The following ME2 variants were observed in gnomAD, a reference collection of about 807,000 sequenced individuals.
ME2 encodes the protein NAD-dependent malic enzyme, mitochondrial.
Under a neutral mutation model 73.7 loss-of-function variants are expected in ME2, and 60 were observed. The ratio of observed to expected loss-of-function variants is 0.81; its 90% CI spans 0.66 to 1.01. The LOEUF (loss-of-function observed/expected upper bound fraction) is 1.01, where lower values mean the gene tolerates loss of function less well. Ranked by LOEUF, ME2 falls within the 50% of genes least tolerant of loss-of-function variation. The pLI, the probability that ME2 is intolerant of heterozygous loss-of-function variation, is 0.00. For synonymous variants in ME2, 199 were observed against 236.9 expected, an observed-to-expected ratio of 0.84 and a Z score of 1.47; for missense variants, 594 against 705.5, an observed-to-expected ratio of 0.84 and a Z score of 1.79.
chr18:50,907,353 G>A (rs1917042212), intron 2 of ME2, among the ~76,000 whole-genome samples: 1 of 152,260 alleles, frequency 6.6e-6, no homozygotes, highest in African/African-American at 2.4e-5. Flanking sequence ...CATTTTTCCT[G>A]AATAACTGCT....
intron 12 of ME2, among the ~76,000 whole-genome samples, chr18:50,928,120 A>C (rs923832138): frequency 6.8e-6 from 1 of 147,484 alleles, no homozygotes; most frequent in African/African-American, 2.5e-5. Context: ...GCCCCACCTA[A>C]TTTCTTGAAT....
chr18:50,946,003 G>T (rs549549544), intron 15 of ME2, among the ~76,000 whole-genome samples: 14 of 152,250 alleles, frequency 9.2e-5, no homozygotes, highest in African/African-American at 3.4e-4. Flanking sequence ...GGAGATGGAG[G>T]TTGCAGTGAG....
chr18:50,936,886 G>A (rs1205195367), intron 13 of ME2, among the ~76,000 whole-genome samples: 3 of 152,078 alleles, frequency 2.0e-5, no homozygotes, highest in East Asian at 3.8e-4. Flanking sequence ...AGCTTTGGTC[G>A]TGCCACAGCA....
At chr18:50,946,935 A>C in intron 15 of ME2, 82 bp from the exon 16 acceptor site, 1 of 990,400 alleles carries the variant, frequency 1.0e-6, no homozygotes, top group Non-Finnish European at 1.5e-6. Context: ...TTCTAAACTT[A>C]TTTTCCTGTG....
At chr18:50,933,510 A>G (rs947767245) in intron 13 of ME2, 1 of 152,090 alleles carries the variant, frequency 6.6e-6, no homozygotes, top group Non-Finnish European at 1.5e-5. Flanking sequence ...CCTAACTTCT[A>G]TAATAGAAAC....
chr18:50,883,649 G>A (rs1334620012), intron 1 of ME2, among the ~76,000 whole-genome samples: 2 of 152,186 alleles, frequency 1.3e-5, no homozygotes, highest in African/African-American at 4.8e-5. Flanking sequence ...GATCACCTGA[G>A]ATCAGGAGTT....
chr18:50,916,248 T>C lies in ME2; in HGVS notation c.468+5T>C. ...TGGCCAGAAAATCATGTTAAGGTAC[T>C]AATAGCACAACCCTCCTTTTCACAA... On this transcript the variant is annotated splice_donor_5th_base_variant and intron_variant, in intron 5 of 15. Coordinates refer to ENST00000321341, the MANE Select transcript of ME2 (RefSeq NM_002396.5). The C allele has an allele frequency of 6.3e-7, 1 of 1,599,168 alleles. No homozygotes were observed. Among genetic ancestry groups the C allele is most frequent in the Non-Finnish European group, 8.6e-7 (1 of 1,167,614 alleles).
rs919881142 is a variant in ME2 at position 50,953,792 on chromosome 18, T to C, written c.*6608T>C. 3 of 152,226 alleles carry C rather than the reference T, an allele frequency of 2.0e-5. No individual in the cohort carries two copies. Among genetic ancestry groups the C allele is most frequent in the Non-Finnish European group, 2.9e-5 (2 of 68,044 alleles). The allele number at this position is 152,226 out of a possible 1,614,324, so 9.4% of individuals were successfully genotyped here. ...ATTAGAAAGTAGTAATATAAAAATG[T>C]GTATGAAATAAGAACTTTCTTAAAA... On this transcript the variant is annotated 3_prime_UTR_variant, in exon 16 of 16. Transcript: ENST00000321341.
Position 50,947,979 on chromosome 18 carries a change from A to G in ME2, c.*795A>G, listed in dbSNP as rs926226325. 1 of 152,178 alleles carries G rather than the reference A, an allele frequency of 6.6e-6. No homozygotes were observed. The highest frequency in any genetic ancestry group is 2.4e-5 in the African/African-American group (1 of 41,452). 9.4% of individuals were successfully genotyped at this position (152,178 alleles called of 1,614,324 possible). A position where few individuals can be genotyped will look rare whatever the true frequency, so the allele number is the denominator to read the frequency against. On this transcript the variant is annotated 3_prime_UTR_variant, in exon 16 of 16. Coordinates refer to ENST00000321341, the MANE Select transcript of ME2 (RefSeq NM_002396.5). ...ATTTTTGTTACTTCTAGATGATTCT[A>G]GGAGGGAGTATAAGATACCTAATCA...
chr18:50,931,201 T>C (rs1320140703), intron 12 of ME2, among the ~76,000 whole-genome samples: 1 of 152,214 alleles, frequency 6.6e-6, no homozygotes, highest in Non-Finnish European at 1.5e-5. Context: ...AGTATCAAAA[T>C]TGGATAGATG....
chr18:50,884,885 G>A (rs1377524958), intron 1 of ME2, among the ~76,000 whole-genome samples: 2 of 150,812 alleles, frequency 1.3e-5, no homozygotes, highest in Non-Finnish European at 2.9e-5. Flanking sequence ...ACGGAGTTTC[G>A]CTCTTGTTGC....
intron 1 of ME2, among the ~76,000 whole-genome samples, chr18:50,892,236 A>C (rs1323899962): frequency 6.6e-6 from 1 of 152,048 alleles, no homozygotes; most frequent in Non-Finnish European, 1.5e-5. Flanking sequence ...TCTTTTTCAA[A>C]ATTTCTTGGA....
At chr18:50,916,786 C>T (rs1178246929) in intron 5 of ME2, 3 of 152,118 alleles carry the variant, frequency 2.0e-5, no homozygotes, top group African/African-American at 4.8e-5. Context: ...AATAATCTTA[C>T]CTGCCTTTAT....
At chr18:50,926,269 T>A (rs1179221581) in intron 12 of ME2, among the ~76,000 whole-genome samples, 1 of 152,220 alleles carries the variant, frequency 6.6e-6, no homozygotes, top group African/African-American at 2.4e-5. Flanking sequence ...CCAGAAGAAT[T>A]CCTTTATTTA....
chr18:50,942,078 C>T (rs1917978184), intron 15 of ME2, among the ~76,000 whole-genome samples: 1 of 151,970 alleles, frequency 6.6e-6, no homozygotes, highest in African/African-American at 2.4e-5. Flanking sequence ...TCTCTCCTCA[C>T]CTTTTATGAA....
At chr18:50,892,308 A>G (rs889203757) in intron 1 of ME2, among the ~76,000 whole-genome samples, 1 of 152,186 alleles carries the variant, frequency 6.6e-6, no homozygotes, top group Admixed American at 6.5e-5. Context: ...CATAAAGTTC[A>G]AGGCTGCAGT....
At chr18:50,889,880 G>T (rs1916564913) in intron 1 of ME2, among the ~76,000 whole-genome samples, 1 of 152,054 alleles carries the variant, frequency 6.6e-6, no homozygotes, top group Admixed American at 6.6e-5. Context: ...AGGCCCTTTT[G>T]GAATGTCCAA....
chr18:50,922,198 C>G (rs1481035739), intron 10 of ME2, among the ~76,000 whole-genome samples: 1 of 152,186 alleles, frequency 6.6e-6, no homozygotes, highest in Non-Finnish European at 1.5e-5. Flanking sequence ...AGTGCTCAAA[C>G]TACATGTAAT....
At chr18:50,939,140 G>GAAAAAAAAAAAAAAAAAAAGA (rs56350434) in intron 13 of ME2, 1 of 118,532 alleles carries the variant, frequency 8.4e-6, no homozygotes, top group Non-Finnish European at 1.7e-5. Flanking sequence ...AAAAAAAAAA[G>GAAAAAAAAAAAAAAAAAAAGA]AAAAAAAAAA....
Sources: gnomAD v4.1 joint callset for allele counts (sites outside exome capture counted in the v4.1 genomes callset) on GRCh38, gnomAD v4.1.1 for gene constraint, MANE v1.5 for transcripts, NCBI Gene and HGNC (gene_info 2026-07-23, HGNC 2026-07-21) for gene names.